The following PLIN5 variants were observed in gnomAD, a reference collection of about 807,000 sequenced individuals.
PLIN5 encodes the protein perilipin 5, also known as perilipin-5.
PLIN5 carries 34 observed loss-of-function variants against 32.8 expected under a neutral mutation model. The ratio of observed to expected loss-of-function variants is 1.04; its 90% CI spans 0.79 to 1.38. The LOEUF (loss-of-function observed/expected upper bound fraction) is 1.38, where lower values mean the gene tolerates loss of function less well. Ranked by LOEUF, PLIN5 falls within the 40% of genes most tolerant of loss-of-function variation. The pLI is 0.00. For missense variants in PLIN5, 712 were observed against 660.5 expected, an observed-to-expected ratio of 1.08 and a Z score of -0.85; for synonymous variants, 309 against 292.9, an observed-to-expected ratio of 1.05 and a Z score of -0.56.
In PLIN5 at chr19:4,523,645, G is replaced by A. The variant is rs762056598; in HGVS notation, c.1275C>T (p.Asp425=). The A allele has an allele frequency of 5.6e-6, 9 of 1,610,714 alleles. No individual in the cohort carries two copies. Among genetic ancestry groups the A allele is most frequent in the East Asian group, 4.5e-5 (2 of 44,802 alleles). ...TGTCCCCATCCCCATTCCCACTCCC[G>A]TCCCTGTGCTCTGCCTCCCAGGCTC... ...QQRAWEAEHR[D]GSGNGDGDRM... Residue 425 remains aspartate (D), a synonymous_variant, in exon 8 of 8, where the codon GAC becomes GAT. Transcript: ENST00000381848. This position sits in a 1 kb window ranked among gnomAD's most constrained non-coding sequence, Gnocchi z 5.0.
At position 4,523,745 on chromosome 19, in the gene PLIN5, A is replaced by AGGTCGGGCAGGG. The variant is rs1457209527; in HGVS notation, c.1163_1174dup (p.Pro388_Asp391dup). The AGGTCGGGCAGGG allele has an allele frequency of 1.9e-6, 3 of 1,600,584 alleles. No individual in the cohort carries two copies. The highest frequency in any genetic ancestry group is 3.3e-5 in the Admixed American group (2 of 59,940). On this transcript the variant is annotated inframe_insertion, in exon 8 of 8. Transcript: ENST00000381848. This position sits in a 1 kb window ranked among gnomAD's most constrained non-coding sequence, Gnocchi z 5.0. Reference sequence around the variant, plus strand: ...GATGACCTCGTCCACCAGGTCCGCCAGGTCGGGCAGGGGCTCGGGTCGCTC... The same window carrying AGGTCGGGCAGGG: ...GATGACCTCGTCCACCAGGTCCGCCAGGTCGGGCAGGGGGTCGGGCAGGGGCTCGGGTCGCTC...
rs936346206 is a variant in PLIN5, at chr19:4,523,317, C to T, written c.*211G>A. 1.9e-5 allele frequency: 10 copies of T among 525,798 alleles called. No homozygotes were observed. Among genetic ancestry groups the T allele is most frequent in the African/African-American group, 9.9e-5 (5 of 50,298 alleles). 32.6% of individuals were successfully genotyped at this position (525,798 alleles called of 1,614,324 possible). A position where few individuals can be genotyped will look rare whatever the true frequency, so the allele number is the denominator to read the frequency against. On this transcript the variant is annotated 3_prime_UTR_variant, in exon 8 of 8. Coordinates refer to ENST00000381848, the MANE Select transcript of PLIN5 (RefSeq NM_001013706.3). The surrounding 1 kb of genome is among the most constrained non-coding windows in gnomAD (Gnocchi z 5.0). Reference sequence around the variant, plus strand: ...GGCTCAAGTTGGCCTGAATAGGGTTCGAGGCCCTGCTCCCCCGGGCCTCTT... The same window carrying T: ...GGCTCAAGTTGGCCTGAATAGGGTTTGAGGCCCTGCTCCCCCGGGCCTCTT...
chr19:4,527,697 T>C (rs1399767139), intron 5 of PLIN5, among the ~76,000 whole-genome samples: 1 of 150,642 alleles, frequency 6.6e-6, no homozygotes, highest in Non-Finnish European at 1.5e-5. Context: ...ACACAAAAAT[T>C]AGCCGGGTGT....
intron 2 of PLIN5, 88 bp from the exon 3 acceptor site, chr19:4,531,910 G>A (rs1568246263): frequency 9.8e-6 from 13 of 1,325,528 alleles, no homozygotes; most frequent in South Asian, 1.6e-5. Flanking sequence ...GGGCCAGGAC[G>A]AGGGATGGGA....
chr19:4,529,538 TTATACGTATATATACATATATAC>T (rs1976853878), intron 4 of PLIN5: 1 of 455,510 alleles, frequency 2.2e-6, no homozygotes, highest in African/African-American at 4.1e-5. Context: ...ACATATATAC[TTATACGTATATATACATATATAC>T]TTATACGTAT....
intron 5 of PLIN5, chr19:4,528,446 T>A (rs1427403217): frequency 6.6e-6 from 1 of 151,872 alleles, no homozygotes; most frequent in Non-Finnish European, 1.5e-5. Flanking sequence ...TCTCGCACTG[T>A]GGCCTGGGCT....
At position 4,523,765 on chromosome 19, in the gene PLIN5, T is replaced by C; in HGVS notation, c.1155A>G (p.Arg385=). 6.3e-7 allele frequency: 1 copy of C among 1,598,918 alleles called. No homozygotes were observed. Among genetic ancestry groups the C allele is most frequent in the Non-Finnish European group, 8.5e-7 (1 of 1,179,304 alleles). The part of the protein sequence containing the change: ...VGPFAPILVE[R]PEPLPDLADL... ...CCGCCAGGTCGGGCAGGGGCTCGGG[T>C]CGCTCCACAAGGATGGGCGCGAAGG... is the stretch of plus-strand genomic sequence containing the variant. Residue 385 remains arginine (R), a synonymous_variant, in exon 8 of 8, where the codon CGA becomes CGG. Coordinates refer to ENST00000381848, the MANE Select transcript of PLIN5 (RefSeq NM_001013706.3). The surrounding 1 kb of genome is among the most constrained non-coding windows in gnomAD (Gnocchi z 5.0).
At chr19:4,529,467 TACATATACATATATACACATATACAC>T (rs761895205) in intron 4 of PLIN5, 22 of 574,986 alleles carry the variant, frequency 3.8e-5, no homozygotes, top group East Asian at 3.7e-4. Flanking sequence ...TATACACACA[TACATATACATATATACACATATACAC>T]ACATATACAT....
At chr19:4,527,361 C>T (rs906874273) in intron 5 of PLIN5, among the ~76,000 whole-genome samples, 2 of 151,480 alleles carry the variant, frequency 1.3e-5, no homozygotes, top group African/African-American at 2.4e-5. Flanking sequence ...CGTAAGCCAC[C>T]GCGCCCGGCC....
intron 5 of PLIN5, among the ~76,000 whole-genome samples, chr19:4,527,736 T>A (rs1304916412): frequency 6.8e-6 from 1 of 147,736 alleles, no homozygotes; most frequent in African/African-American, 2.5e-5. Flanking sequence ...TCCCAGCTAC[T>A]TGGGAGGCTG....
In PLIN5 at chr19:4,529,779, G is replaced by A. The variant is rs562517824; in HGVS notation, c.339+5C>T. The A allele has an allele frequency of 2.5e-5, 40 of 1,611,742 alleles. No homozygotes were observed. The South Asian group carries it at 4.2e-4, about 17-fold the overall frequency. On this transcript the variant is annotated splice_donor_5th_base_variant and intron_variant, in intron 4 of 7. Transcript: ENST00000381848. ...GAGGTCCCCATGTCTAGTCGTCCGG[G>A]GTACCGTCTCCGAAGGTTGCTGGAG...
intron 2 of PLIN5, chr19:4,532,893 T>G (rs908065444): frequency 9.9e-5 from 15 of 152,212 alleles, no homozygotes; most frequent in African/African-American, 3.6e-4. Flanking sequence ...GGTCTTGAAC[T>G]CCTGGCTCAA....
chr19:4,534,065 C>T lies in PLIN5; in HGVS notation c.10G>A (p.Glu4Lys), dbSNP rs756132596. Residue 4 changes from glutamate (E) to lysine (K), a missense_variant, in exon 2 of 8, where the codon GAA becomes AAA. By Grantham distance (56) the Glu-to-Lys change is moderately conservative. Coordinates refer to ENST00000381848, the MANE Select transcript of PLIN5 (RefSeq NM_001013706.3). MSE[E>K]EAAQIPRSSV... is the part of the protein sequence containing the mutation. The stretch of plus-strand genomic sequence containing the variant: ...GATCTGGGGATCTGAGCCGCCTCTT[C>T]TTCAGACATCGTGCTGCAAACAGGG... 11 of 1,612,902 alleles carry T rather than the reference C, an allele frequency of 6.8e-6. No homozygotes were observed. The East Asian group carries it at 8.9e-5, about 13-fold the overall frequency.
intron 5 of PLIN5, among the ~76,000 whole-genome samples, chr19:4,526,833 G>C (rs1249317831): frequency 1.4e-5 from 2 of 147,420 alleles, no homozygotes; most frequent in Non-Finnish European, 2.9e-5. Flanking sequence ...CCTCTAGCCT[G>C]GGCAACAGAG....
At chr19:4,532,073 T>A (rs1487794307) in intron 2 of PLIN5, among the ~76,000 whole-genome samples, 1 of 152,226 alleles carries the variant, frequency 6.6e-6, no homozygotes, top group Non-Finnish European at 1.5e-5. Context: ...GTTTCACTCT[T>A]ATCACCCAGG....
rs1976744931 is a variant in PLIN5 at position 4,522,639 on chromosome 19, T to C, written c.*889A>G. Reference sequence around the variant, plus strand: ...CCATGGGCAGAGGAGGGCTCACTTTTCAAAGTTCCAAATAGGGCAAAATGT... The same window carrying C: ...CCATGGGCAGAGGAGGGCTCACTTTCCAAAGTTCCAAATAGGGCAAAATGT... On this transcript the variant is annotated 3_prime_UTR_variant, in exon 8 of 8. Coordinates refer to ENST00000381848, the MANE Select transcript of PLIN5 (RefSeq NM_001013706.3). The C allele has an allele frequency of 6.6e-6, 1 of 152,214 alleles. No homozygotes were observed. Among genetic ancestry groups the C allele is most frequent in the Non-Finnish European group, 1.5e-5 (1 of 68,058 alleles). 9.4% of individuals were successfully genotyped at this position (152,214 alleles called of 1,614,324 possible).
intron 5 of PLIN5, among the ~76,000 whole-genome samples, chr19:4,528,189 C>G (rs1976832030): frequency 2.0e-5 from 3 of 151,282 alleles, no homozygotes; most frequent in South Asian, 2.1e-4. Flanking sequence ...GATTACAGGC[C>G]TGAGCCACCG....
At position 4,523,750 on chromosome 19, in the gene PLIN5, G is replaced by T; in HGVS notation, c.1170C>A (p.Pro390=). 1 of 1,600,312 alleles carries T rather than the reference G, an allele frequency of 6.2e-7. No homozygotes were observed. The highest frequency in any genetic ancestry group is 8.5e-7 in the Non-Finnish European group (1 of 1,179,366). ...PILVERPEPL[P]DLADLVDEVI... is the part of the protein sequence containing the mutation. The stretch of plus-strand genomic sequence containing the variant: ...CCTCGTCCACCAGGTCCGCCAGGTC[G>T]GGCAGGGGCTCGGGTCGCTCCACAA... The change falls in exon 8 of 8, where the codon CCC becomes CCA. Residue 390 remains proline, a synonymous_variant. Transcript: ENST00000381848. The surrounding 1 kb of genome is among the most constrained non-coding windows in gnomAD (Gnocchi z 5.0).
In PLIN5 at chr19:4,525,659, C is replaced by T. The variant is rs775570313; in HGVS notation, c.694G>A (p.Ala232Thr). 2.6e-5 allele frequency: 42 copies of T among 1,613,424 alleles called. No individual in the cohort carries two copies. Among genetic ancestry groups the T allele is most frequent in the Non-Finnish European group, 3.5e-5 (41 of 1,180,022 alleles). ...QSKHRAQDTL[A>T]QLQETLELID... ...AGCTCCAGCGTCTCCTGCAGCTGGG[C>T]CAGGGTGTCCTGGGCACGGTGTTTG... Residue 232 changes from alanine (A) to threonine (T), a missense_variant, in exon 6 of 8, where the codon GCC becomes ACC. Ala to Thr is a moderately conservative substitution (Grantham distance 58, BLOSUM62 0). Coordinates refer to ENST00000381848, the MANE Select transcript of PLIN5 (RefSeq NM_001013706.3). This position sits in a 1 kb window ranked among gnomAD's most constrained non-coding sequence, Gnocchi z 5.6.
Sources: allele counts gnomAD v4.1 joint callset (sites outside exome capture counted in the v4.1 genomes callset), GRCh38; gene constraint gnomAD v4.1.1; non-coding constraint Gnocchi (gnomAD v3.1); transcripts MANE v1.5; gene names NCBI Gene and HGNC (gene_info 2026-07-23, HGNC 2026-07-21).